Variants in ADAMTS12 observed in about 807,000 individuals in gnomAD.
ADAMTS12 encodes ADAM metallopeptidase with thrombospondin type 1 motif 12.
ADAMTS12 carries 118 observed loss-of-function variants against 167.8 expected under a neutral mutation model. That is an observed-to-expected ratio of 0.70 (90% confidence interval 0.61 to 0.82). The LOEUF is 0.82. ADAMTS12 is among the 40% of genes least tolerant of loss of function. The probability of loss-of-function intolerance (pLI) is 0.00; values close to 1 mark genes in which losing one functional copy is unlikely to be tolerated. For synonymous variants in ADAMTS12, 704 were observed against 716.9 expected (o/e 0.98, Z 0.29); for missense variants, 1,916 against 1,998.8 (o/e 0.96, Z 0.79).
At chr5:33,782,259 T>C (rs1414098485) in intron 2 of ADAMTS12, among the ~76,000 whole-genome samples, 1 of 152,006 alleles carries the variant, frequency 6.6e-6, no homozygotes, top group African/African-American at 2.4e-5. Flanking sequence ...AGCAAAGTTA[T>C]TATATACTAC....
intron 5 of ADAMTS12, 36 bp downstream of exon 5, chr5:33,682,982 G>C: frequency 6.4e-7 from 1 of 1,566,614 alleles, no homozygotes; most frequent in Admixed American, 1.7e-5. Context: ...GAAGTGCGAG[G>C]ACATATAGCA....
chr5:33,605,122 C>G (rs1738370906), intron 16 of ADAMTS12, among the ~76,000 whole-genome samples: 1 of 152,206 alleles, frequency 6.6e-6, no homozygotes, highest in Admixed American at 6.5e-5. Context: ...TGGCTACTTA[C>G]CCAACGGAGC....
At chr5:33,858,768 A>G (rs1749501367) in intron 2 of ADAMTS12, among the ~76,000 whole-genome samples, 1 of 152,124 alleles carries the variant, frequency 6.6e-6, no homozygotes, top group African/African-American at 2.4e-5. Context: ...AGTGAGATCA[A>G]TGCAGAAGGC....
chr5:33,599,843 G>A (rs1425423161), intron 16 of ADAMTS12, among the ~76,000 whole-genome samples: 1 of 152,150 alleles, frequency 6.6e-6, no homozygotes, highest in Non-Finnish European at 1.5e-5. Context: ...CTTGTGGAGG[G>A]GGTTCAAATC....
chr5:33,654,874 T>TTTTGTGTG (rs148735809), intron 7 of ADAMTS12, among the ~76,000 whole-genome samples: 29 of 141,668 alleles, frequency 2.0e-4, no homozygotes, highest in South Asian at 4.8e-4. Context: ...GTGGGTGATT[T>TTTTGTGTG]TGTGTGTGTG....
rs764347428 is a variant in ADAMTS12 at position 33,576,403 on chromosome 5, G to T, written c.3623C>A (p.Ser1208Tyr). 3 of 1,613,950 alleles carry T rather than the reference G, an allele frequency of 1.9e-6. No individual in the cohort carries two copies. Among genetic ancestry groups the T allele is most frequent in the Non-Finnish European group, 2.5e-6 (3 of 1,179,906 alleles). ...PPLTPDLSRE[S>Y]WWPPFSTVME... ...TACTGTGCTGAAGGGTGGCCACCAG[G>T]ACTCCCTGCTGAGATCTGGTGTTAG... The change falls in exon 19 of 24, where the codon TCC (serine) becomes TAC (tyrosine). Residue 1208 changes from serine (S) to tyrosine (Y), a missense_variant. Ser to Tyr is a moderately radical substitution (Grantham distance 144). Transcript: ENST00000504830.
At chr5:33,685,009 A>C (rs1579835670) in intron 3 of ADAMTS12, among the ~76,000 whole-genome samples, 1 of 152,218 alleles carries the variant, frequency 6.6e-6, no homozygotes, top group East Asian at 1.9e-4. Flanking sequence ...AGAATGGCTT[A>C]GGGAGCCGAG....
At chr5:33,622,836 C>T (rs938628875) in intron 14 of ADAMTS12, among the ~76,000 whole-genome samples, 5 of 152,056 alleles carry the variant, frequency 3.3e-5, no homozygotes, top group Admixed American at 6.5e-5. Context: ...TAAGACATAC[C>T]GGTTATCATT....
chr5:33,593,338 T>C (rs1380625351), intron 17 of ADAMTS12, among the ~76,000 whole-genome samples: 1 of 152,202 alleles, frequency 6.6e-6, no homozygotes. Flanking sequence ...GGCAGCAGCA[T>C]GGTGTAGCAG....
intron 2 of ADAMTS12, among the ~76,000 whole-genome samples, chr5:33,758,146 T>C (rs1745230386): frequency 2.0e-5 from 3 of 152,168 alleles, no homozygotes; most frequent in Non-Finnish European, 2.9e-5. Context: ...GATAAGCATA[T>C]TGGGCTATTA....
At chr5:33,653,255 A>G (rs973202379) in intron 7 of ADAMTS12, among the ~76,000 whole-genome samples, 6 of 152,148 alleles carry the variant, frequency 3.9e-5, no homozygotes, top group Non-Finnish European at 1.5e-5. Flanking sequence ...TTTATCTACT[A>G]AAATTAATAT....
At chr5:33,703,358 A>T (rs1211248352) in intron 3 of ADAMTS12, among the ~76,000 whole-genome samples, 2 of 152,134 alleles carry the variant, frequency 1.3e-5, no homozygotes, top group Non-Finnish European at 2.9e-5. Context: ...AATGTCATAA[A>T]CTCATCCATA....
At chr5:33,692,176 C>T (rs567020319) in intron 3 of ADAMTS12, among the ~76,000 whole-genome samples, 1 of 152,142 alleles carries the variant, frequency 6.6e-6, no homozygotes, top group African/African-American at 2.4e-5. Context: ...TCCCAGCCTC[C>T]CTTGCAGCTA....
chr5:33,768,046 T>G (rs940188576), intron 2 of ADAMTS12, among the ~76,000 whole-genome samples: 1 of 152,122 alleles, frequency 6.6e-6, no homozygotes, highest in African/African-American at 2.4e-5. Context: ...TTCTAAAAAA[T>G]TTTTAAAGCT....
intron 17 of ADAMTS12, among the ~76,000 whole-genome samples, chr5:33,593,796 A>G (rs891950365): frequency 1.3e-5 from 2 of 152,202 alleles, no homozygotes; most frequent in African/African-American, 4.8e-5. Flanking sequence ...ATGTATATCT[A>G]TGGAACATCC....
chr5:33,671,469 T>C (rs751243976), intron 5 of ADAMTS12, among the ~76,000 whole-genome samples: 14 of 152,130 alleles, frequency 9.2e-5, no homozygotes, highest in Non-Finnish European at 1.3e-4. Flanking sequence ...TTCTTACAAC[T>C]GCATGTGAAT....
chr5:33,696,168 T>A (rs1027297358), intron 3 of ADAMTS12, among the ~76,000 whole-genome samples: 2 of 152,134 alleles, frequency 1.3e-5, no homozygotes, highest in Non-Finnish European at 2.9e-5. Flanking sequence ...ATGCCTGTAA[T>A]CCCAGCACTT....
intron 23 of ADAMTS12, 78 bp from the exon 24 acceptor site, chr5:33,527,444 G>A: frequency 7.2e-7 from 1 of 1,388,940 alleles, no homozygotes. Context: ...TTCTATTAAT[G>A]TAAGACTTTA....
At chr5:33,570,141 G>A in intron 19 of ADAMTS12, among the ~76,000 whole-genome samples, 1 of 152,206 alleles carries the variant, frequency 6.6e-6, no homozygotes, top group East Asian at 1.9e-4. Context: ...GAAAGTGACG[G>A]GGAGAATGGA....
Sources: gnomAD v4.1 joint callset for allele counts (sites outside exome capture counted in the v4.1 genomes callset) on GRCh38, gnomAD v4.1.1 for gene constraint, MANE v1.5 for transcripts, NCBI Gene and HGNC (gene_info 2026-07-23, HGNC 2026-07-21) for gene names.